Variants in ZHX3 observed in about 807,000 individuals in gnomAD.
The protein encoded by ZHX3 is zinc fingers and homeoboxes 3, also known as zinc fingers and homeoboxes protein 3.
Under a neutral mutation model 64.5 loss-of-function variants are expected in ZHX3, and 20 were observed. The ratio of observed to expected loss-of-function variants is 0.31; its 90% CI spans 0.22 to 0.45. The LOEUF is 0.45. ZHX3 is among the 20% of genes least tolerant of loss of function. ZHX3 has a pLI of 1.00. For synonymous variants in ZHX3, 423 were observed against 461.6 expected, an observed-to-expected ratio of 0.92 and a Z score of 1.07; for missense variants, 1,041 against 1,195.8, an observed-to-expected ratio of 0.87 and a Z score of 1.91.
chr20:41,244,222 G>A (rs2041556848), intron 2 of ZHX3, among the ~76,000 whole-genome samples: 1 of 152,158 alleles, frequency 6.6e-6, no homozygotes, highest in Non-Finnish European at 1.5e-5. Context: ...AGTGCCTTTG[G>A]TGAAGATGTG....
In ZHX3 at chr20:41,185,263, C is replaced by A; in HGVS notation, c.2861-62G>T. On this transcript the variant is annotated intron_variant, in intron 3 of 3. Coordinates refer to ENST00000683867, the MANE Select transcript of ZHX3 (RefSeq NM_001384317.1). This position sits in a 1 kb window ranked among gnomAD's most constrained non-coding sequence, Gnocchi z 5.0. Reference sequence around the variant, plus strand: ...CTGCCACCACCTGCCCCCCAGGCAGCCTGGTCCTTGCTATACCAGGGTGGC... The same window carrying A: ...CTGCCACCACCTGCCCCCCAGGCAGACTGGTCCTTGCTATACCAGGGTGGC... 2 of 1,545,210 alleles carry A rather than the reference C, an allele frequency of 1.3e-6. No individual in the cohort carries two copies.
At chr20:41,236,735 C>G (rs892333325) in intron 2 of ZHX3, among the ~76,000 whole-genome samples, 4 of 152,096 alleles carry the variant, frequency 2.6e-5, no homozygotes, top group African/African-American at 9.7e-5. Context: ...TCTAAAACAC[C>G]AAAAGCAATG....
At chr20:41,294,167 T>C (rs1164123872) in intron 1 of ZHX3, among the ~76,000 whole-genome samples, 2 of 152,182 alleles carry the variant, frequency 1.3e-5, no homozygotes, top group Non-Finnish European at 1.5e-5. Context: ...ATGCTAATAT[T>C]CCAGGGCTAG....
intron 2 of ZHX3, among the ~76,000 whole-genome samples, chr20:41,254,425 C>G (rs1269310772): frequency 6.6e-6 from 1 of 152,162 alleles, no homozygotes. Context: ...AGCTCAGTGC[C>G]TGCCACACAG....
chr20:41,221,031 G>T (rs2039910410), intron 2 of ZHX3, among the ~76,000 whole-genome samples: 1 of 152,086 alleles, frequency 6.6e-6, no homozygotes, highest in African/African-American at 2.4e-5. Flanking sequence ...TGGAAAAAAA[G>T]AATCATGTTC....
intron 1 of ZHX3, among the ~76,000 whole-genome samples, chr20:41,313,847 T>C (rs550428969): frequency 0.018 from 2,722 of 152,248 alleles, 35 homozygotes; most frequent in Non-Finnish European, 0.03. Flanking sequence ...CTGCCCGCCT[T>C]GGCCTCCCAA....
At chr20:41,261,334 C>T (rs2042552712) in intron 2 of ZHX3, among the ~76,000 whole-genome samples, 1 of 152,174 alleles carries the variant, frequency 6.6e-6, no homozygotes, top group Non-Finnish European at 1.5e-5. Flanking sequence ...ATACCTCAAG[C>T]TGTCATCTGT....
At chr20:41,190,505 A>C (rs1000050729) in intron 3 of ZHX3, among the ~76,000 whole-genome samples, 2 of 152,032 alleles carry the variant, frequency 1.3e-5, no homozygotes, top group African/African-American at 4.8e-5. Flanking sequence ...TGTTATTGTT[A>C]TACTGTTGTT....
chr20:41,206,682 C>T (rs2038740071), intron 2 of ZHX3, among the ~76,000 whole-genome samples: 1 of 152,148 alleles, frequency 6.6e-6, no homozygotes, highest in African/African-American at 2.4e-5. Context: ...ATTGGTGTAC[C>T]TGAAAATGAC....
intron 2 of ZHX3, among the ~76,000 whole-genome samples, chr20:41,208,018 C>T (rs1178201619): frequency 2.0e-5 from 3 of 152,100 alleles, no homozygotes; most frequent in East Asian, 1.9e-4. Flanking sequence ...ATATCACCAC[C>T]GATCCCATAG....
At chr20:41,190,359 T>G (rs1288241820) in intron 3 of ZHX3, among the ~76,000 whole-genome samples, 2 of 151,948 alleles carry the variant, frequency 1.3e-5, no homozygotes, top group Non-Finnish European at 2.9e-5. Context: ...TTTTTAGAGA[T>G]AGGGTTTCAC....
Position 41,219,176 on chromosome 20 carries a change from G to T in ZHX3, c.-150-14110C>A, listed in dbSNP as rs1290561241. On this transcript the variant is annotated intron_variant, in intron 2 of 3. Transcript: ENST00000683867. This position sits in a 1 kb window ranked among gnomAD's most constrained non-coding sequence, Gnocchi z 5.0. The stretch of plus-strand genomic sequence containing the variant: ...GATCTCCTGACCTCGTGATCCACAC[G>T]CCTCCGCCTCCCAAAGTGCTGGGAT... 6.6e-6 allele frequency among the ~76,000 whole-genome samples: 1 copy of T among 151,900 alleles called. No homozygotes were observed. Among genetic ancestry groups the T allele is most frequent in the Non-Finnish European group, 1.5e-5 (1 of 67,992 alleles).
intron 1 of ZHX3, among the ~76,000 whole-genome samples, chr20:41,293,475 G>T (rs749521126): frequency 7.9e-5 from 12 of 152,078 alleles, no homozygotes; most frequent in Non-Finnish European, 1.5e-4. Flanking sequence ...GGAAACAATT[G>T]CAAAAGCACC....
intron 3 of ZHX3, among the ~76,000 whole-genome samples, chr20:41,186,948 G>A (rs2146108655): frequency 6.6e-6 from 1 of 152,082 alleles, no homozygotes; most frequent in Middle Eastern, 3.4e-3. Context: ...AGTGTTCTTT[G>A]AAACACAAAA....
chr20:41,295,293 G>C (rs1021371787), intron 1 of ZHX3, among the ~76,000 whole-genome samples: 1 of 151,876 alleles, frequency 6.6e-6, no homozygotes, highest in Non-Finnish European at 1.5e-5. Flanking sequence ...ATGCAGCAAG[G>C]CATAAAAAAT....
rs1217489647 is a variant in ZHX3, at chr20:41,184,996, T to A, written c.*195A>T. ...GAACTGATGAGAACCCCATCTTGCT[T>A]GCTGCTTGCTTGGTGGTGGGCAGGC... is the stretch of plus-strand genomic sequence containing the variant. On this transcript the variant is annotated 3_prime_UTR_variant, in exon 4 of 4. Coordinates refer to ENST00000683867, the MANE Select transcript of ZHX3 (RefSeq NM_001384317.1). 1 of 1,550,968 alleles carries A rather than the reference T, an allele frequency of 6.4e-7. No individual in the cohort carries two copies. Among genetic ancestry groups the A allele is most frequent in the Admixed American group, 2.0e-5 (1 of 51,010 alleles).
chr20:41,197,656 C>T lies in ZHX3; in HGVS notation c.2860+4401G>A, dbSNP rs117069584. On this transcript the variant is annotated intron_variant, in intron 3 of 3. Transcript: ENST00000683867. ...TTAATAGAAGAGCTTAATCCCTTTA[C>T]ATTTAATGTGATTACAGATCAAGGA... 4.0e-3 allele frequency among the ~76,000 whole-genome samples: 602 copies of T among 151,896 alleles called. 7 individuals carry two copies. Among genetic ancestry groups the T allele is most frequent in the East Asian group, 0.023 (117 of 5,188 alleles).
intron 2 of ZHX3, among the ~76,000 whole-genome samples, chr20:41,244,240 C>T (rs2041557666): frequency 6.6e-6 from 1 of 152,114 alleles, no homozygotes; most frequent in African/African-American, 2.4e-5. Flanking sequence ...GTGCCAGAAA[C>T]TGGGGATTGG....
intron 1 of ZHX3, among the ~76,000 whole-genome samples, chr20:41,293,411 C>T (rs1483815403): frequency 6.6e-6 from 1 of 152,156 alleles, no homozygotes; most frequent in African/African-American, 2.4e-5. Flanking sequence ...ACTGATGAGT[C>T]ACATAAGGAT....
Sources: gnomAD v4.1 joint callset for allele counts (sites outside exome capture counted in the v4.1 genomes callset) on GRCh38, gnomAD v4.1.1 for gene constraint, Gnocchi (gnomAD v3.1) non-coding constraint, MANE v1.5 for transcripts, NCBI Gene and HGNC (gene_info 2026-07-23, HGNC 2026-07-21) for gene names.